The following GLIS3 variants were observed in gnomAD, a reference collection of about 807,000 sequenced individuals.
The protein encoded by GLIS3 is GLIS family zinc finger 3, also known as zinc finger protein GLIS3.
Under a neutral mutation model 78.6 loss-of-function variants are expected in GLIS3, and 53 were observed. The observed-to-expected ratio is 0.67, with a 90% CI of 0.54 to 0.85. The LOEUF (loss-of-function observed/expected upper bound fraction) is 0.85, where lower values mean the gene tolerates loss of function less well. Among genes scored for constraint, GLIS3 ranks in the 40% least tolerant of loss-of-function variants. The probability of loss-of-function intolerance (pLI) is 0.00; values close to 1 mark genes in which losing one functional copy is unlikely to be tolerated. For synonymous variants in GLIS3, 684 were observed against 509.9 expected (o/e 1.34, Z -4.60); for missense variants, 1,703 against 1,231.1 (o/e 1.38, Z -5.74).
At chr9:4,285,197 T>G (rs973185560) in intron 2 of GLIS3, among the ~76,000 whole-genome samples, 1 of 152,226 alleles carries the variant, frequency 6.6e-6, no homozygotes, top group African/African-American at 2.4e-5. Context: ...TGTGCTATTT[T>G]ATACAGCAAA....
intron 2 of GLIS3, among the ~76,000 whole-genome samples, chr9:4,193,817 T>C (rs1167144839): frequency 2.0e-5 from 3 of 152,192 alleles, no homozygotes; most frequent in African/African-American, 7.2e-5. Flanking sequence ...CCTCCATTCA[T>C]TTTACCTCTG....
intron 4 of GLIS3, among the ~76,000 whole-genome samples, chr9:3,976,253 A>C (rs1300041098): frequency 1.3e-5 from 2 of 152,114 alleles, no homozygotes; most frequent in Admixed American, 1.3e-4. Flanking sequence ...TTAGAAGATG[A>C]GAGGGGAGGC....
chr9:3,861,038 T>C (rs894553581), intron 8 of GLIS3, among the ~76,000 whole-genome samples: 1 of 152,106 alleles, frequency 6.6e-6, no homozygotes, highest in Admixed American at 6.6e-5. Flanking sequence ...AATTGAGAAG[T>C]CAGGAATATC....
chr9:3,985,267 T>A (rs1359113044), intron 4 of GLIS3, among the ~76,000 whole-genome samples: 1 of 152,110 alleles, frequency 6.6e-6, no homozygotes, highest in Non-Finnish European at 1.5e-5. Context: ...CTCAGCCTCC[T>A]GAGTAGCTGG....
At chr9:4,345,883 G>A (rs147625885) in intron 2 of GLIS3, among the ~76,000 whole-genome samples, 1 of 152,152 alleles carries the variant, frequency 6.6e-6, no homozygotes, top group Non-Finnish European at 1.5e-5. Context: ...TTAAGCATCA[G>A]AGCACAATTT....
Position 4,173,085 on chromosome 9 carries a change from C to A in GLIS3, c.389-47144G>T, listed in dbSNP as rs896130108. 5.3e-5 allele frequency among the ~76,000 whole-genome samples: 8 copies of A among 152,292 alleles called. No individual in the cohort carries two copies. The East Asian group carries it at 1.5e-3, about 29-fold the overall frequency. On this transcript the variant is annotated intron_variant, in intron 2 of 10. Coordinates refer to ENST00000381971, the MANE Select transcript of GLIS3 (RefSeq NM_001042413.2). ...CCACATTCCACCCGTGGAGTTGGAA[C>A]CTCGCCTCTAAATCTTTCTACGTAT... is the stretch of plus-strand genomic sequence containing the variant.
the GLIS3 span, among the ~76,000 whole-genome samples, chr9:4,426,504 T>A: frequency 6.6e-6 from 1 of 152,252 alleles, no homozygotes; most frequent in Non-Finnish European, 1.5e-5. Context: ...TCTTTGCCCA[T>A]CACTATTTGT....
chr9:4,113,814 C>G (rs1831414539), intron 4 of GLIS3, among the ~76,000 whole-genome samples: 1 of 152,062 alleles, frequency 6.6e-6, no homozygotes, highest in Admixed American at 6.6e-5. Context: ...GCACCACTGC[C>G]CAATATTCAA....
At chr9:4,280,816 G>A (rs536395369) in intron 2 of GLIS3, among the ~76,000 whole-genome samples, 1 of 151,746 alleles carries the variant, frequency 6.6e-6, no homozygotes, top group East Asian at 1.9e-4. Context: ...CAATCTAGAA[G>A]AAGACTAAAG....
intron 7 of GLIS3, among the ~76,000 whole-genome samples, chr9:3,895,506 C>G (rs994816362): frequency 1.3e-5 from 2 of 152,212 alleles, no homozygotes; most frequent in African/African-American, 2.4e-5. Context: ...AAGTCATCCT[C>G]AGCATGGCCT....
At chr9:4,168,188 C>G (rs939268689) in intron 2 of GLIS3, among the ~76,000 whole-genome samples, 1 of 152,218 alleles carries the variant, frequency 6.6e-6, no homozygotes, top group Admixed American at 6.5e-5. Context: ...TACACACACA[C>G]ACACAGACGC....
chr9:4,366,137 T>G, the GLIS3 span, among the ~76,000 whole-genome samples: 1 of 152,170 alleles, frequency 6.6e-6, no homozygotes, highest in Non-Finnish European at 1.5e-5. Context: ...ACAGAGGATA[T>G]AAAGGGAAAT....
At chr9:4,486,776 A>G in the GLIS3 span, among the ~76,000 whole-genome samples, 3 of 152,174 alleles carry the variant, frequency 2.0e-5, no homozygotes, top group Non-Finnish European at 4.4e-5. Flanking sequence ...TGCAACCTCA[A>G]ACTCCTGGGC....
chr9:4,232,712 G>A (rs923940502), intron 2 of GLIS3, among the ~76,000 whole-genome samples: 5 of 152,164 alleles, frequency 3.3e-5, no homozygotes, highest in Admixed American at 6.5e-5. Flanking sequence ...CCATAATAAA[G>A]ATGAGGAAGT....
the GLIS3 span, among the ~76,000 whole-genome samples, chr9:4,432,686 G>T: frequency 0.027 from 4,008 of 146,194 alleles, 180 homozygotes; most frequent in African/African-American, 0.093. Flanking sequence ...TGCCACCCAG[G>T]CTGGAGTGCA....
chr9:4,117,420 G>A (rs975564214), intron 4 of GLIS3, among the ~76,000 whole-genome samples: 2 of 152,196 alleles, frequency 1.3e-5, no homozygotes, highest in Non-Finnish European at 2.9e-5. Context: ...AAGAACTAAA[G>A]CTTGCTGATG....
At chr9:4,410,027 G>C in the GLIS3 span, among the ~76,000 whole-genome samples, 3 of 152,174 alleles carry the variant, frequency 2.0e-5, no homozygotes, top group African/African-American at 7.2e-5. Flanking sequence ...CTGGAGTGCA[G>C]TGGTGAGATC....
At chr9:4,376,508 G>C in the GLIS3 span, among the ~76,000 whole-genome samples, 3 of 82,190 alleles carry the variant, frequency 3.7e-5, 1 homozygote, top group East Asian at 3.7e-4. Context: ...TATAAGCCAA[G>C]TGTCCAAACA....
At chr9:4,250,674 T>A (rs1824286211) in intron 2 of GLIS3, among the ~76,000 whole-genome samples, 1 of 152,210 alleles carries the variant, frequency 6.6e-6, no homozygotes, top group Non-Finnish European at 1.5e-5. Context: ...TGTTTGCTCT[T>A]GCTTCTCTAG....
Sources: gnomAD v4.1 joint callset for allele counts (sites outside exome capture counted in the v4.1 genomes callset) on GRCh38, gnomAD v4.1.1 for gene constraint, MANE v1.5 for transcripts, NCBI Gene and HGNC (gene_info 2026-07-23, HGNC 2026-07-21) for gene names.